The following METAP1D variants were observed in gnomAD, a reference collection of about 807,000 sequenced individuals.
METAP1D encodes methionine aminopeptidase 1D, mitochondrial.
In METAP1D, 31 loss-of-function variants were observed where a neutral mutation model predicts 40.5. The ratio of observed to expected loss-of-function variants is 0.77; its 90% CI spans 0.58 to 1.03. The LOEUF is 1.03. Among genes scored for constraint, METAP1D ranks in the 50% least tolerant of loss-of-function variants. The pLI is 0.00. For synonymous variants in METAP1D, 151 were observed against 146.4 expected, an observed-to-expected ratio of 1.03 and a Z score of -0.22; for missense variants, 411 against 420.7, an observed-to-expected ratio of 0.98 and a Z score of 0.20.
intron 1 of METAP1D, among the ~76,000 whole-genome samples, chr2:172,035,025 C>T (rs1287083786): frequency 1.3e-5 from 2 of 148,954 alleles, no homozygotes; most frequent in South Asian, 2.1e-4. Flanking sequence ...TAATTCTGGC[C>T]TCATTTCTTC....
intron 1 of METAP1D, among the ~76,000 whole-genome samples, chr2:172,054,689 T>C (rs188472564): frequency 1.3e-5 from 2 of 152,284 alleles, no homozygotes; most frequent in East Asian, 3.9e-4. Flanking sequence ...TAGATTTACA[T>C]TCCAAATACA....
At chr2:172,002,848 G>C (rs972348295) in intron 1 of METAP1D, among the ~76,000 whole-genome samples, 2 of 152,050 alleles carry the variant, frequency 1.3e-5, no homozygotes, top group African/African-American at 4.8e-5. Flanking sequence ...ATTTCTTCTT[G>C]AAATAGAGGA....
chr2:172,009,415 T>C (rs1239900580), intron 1 of METAP1D, among the ~76,000 whole-genome samples: 3 of 152,172 alleles, frequency 2.0e-5, no homozygotes, highest in African/African-American at 7.2e-5. Context: ...AAGAGGAGAC[T>C]ACCGTAACAG....
At chr2:172,065,781 C>T (rs1473355643) in intron 4 of METAP1D, 29 bp downstream of exon 4, 1 of 1,600,406 alleles carries the variant, frequency 6.2e-7, no homozygotes, top group Admixed American at 1.7e-5. Flanking sequence ...CATATTGTTC[C>T]TTTGGAAACT....
chr2:172,075,973 G>T (rs1690534236), intron 6 of METAP1D, among the ~76,000 whole-genome samples: 1 of 152,194 alleles, frequency 6.6e-6, no homozygotes, highest in Non-Finnish European at 1.5e-5. Context: ...TGTTGTAGGA[G>T]AATGCTCTTA....
chr2:172,025,560 G>T (rs116115184), intron 1 of METAP1D, among the ~76,000 whole-genome samples: 3,737 of 152,146 alleles, frequency 0.025, 64 homozygotes, highest in Non-Finnish European at 0.036. Flanking sequence ...GAACTCCTAG[G>T]TTCAAGCGTT....
chr2:172,066,702 C>T (rs1236662625), intron 5 of METAP1D, among the ~76,000 whole-genome samples: 2 of 152,210 alleles, frequency 1.3e-5, no homozygotes, highest in East Asian at 3.8e-4. Flanking sequence ...ATTTTTCCTT[C>T]ACTCTGCCAA....
chr2:172,050,455 G>C (rs547242304), intron 1 of METAP1D, among the ~76,000 whole-genome samples: 1 of 151,854 alleles, frequency 6.6e-6, no homozygotes, highest in South Asian at 2.1e-4. Context: ...AAAAACTCAT[G>C]ATGTTTTTAT....
chr2:172,005,728 G>A (rs186481682), intron 1 of METAP1D, among the ~76,000 whole-genome samples: 35 of 150,948 alleles, frequency 2.3e-4, no homozygotes, highest in African/African-American at 7.5e-4. Flanking sequence ...TTGTAGAGGC[G>A]GGATTTCACC....
intron 1 of METAP1D, among the ~76,000 whole-genome samples, chr2:172,002,349 A>G (rs1335670397): frequency 1.3e-5 from 2 of 152,182 alleles, no homozygotes; most frequent in Admixed American, 1.3e-4. Context: ...AGAATCAATG[A>G]CAAAAACTGT....
At chr2:172,028,566 G>A (rs992673291) in intron 1 of METAP1D, among the ~76,000 whole-genome samples, 2 of 146,444 alleles carry the variant, frequency 1.4e-5, no homozygotes, top group Non-Finnish European at 3.0e-5. Flanking sequence ...GTGTGTGTGT[G>A]TGTGTGTGTG....
At chr2:172,009,265 G>A (rs1688657530) in intron 1 of METAP1D, among the ~76,000 whole-genome samples, 1 of 151,734 alleles carries the variant, frequency 6.6e-6, no homozygotes, top group Non-Finnish European at 1.5e-5. Flanking sequence ...GGATGGTCTC[G>A]ATTTCCTGAC....
intron 1 of METAP1D, among the ~76,000 whole-genome samples, chr2:172,060,657 A>C (rs1194242250): frequency 6.6e-6 from 1 of 152,166 alleles, no homozygotes; most frequent in Non-Finnish European, 1.5e-5. Context: ...ATGATGATTT[A>C]GCCTATTCTT....
intron 5 of METAP1D, 49 bp from the exon 6 acceptor site, chr2:172,070,858 A>G: frequency 6.7e-7 from 1 of 1,486,668 alleles, no homozygotes; most frequent in South Asian, 1.3e-5. Flanking sequence ...ACTTTAGGAA[A>G]GTAGATTTTT....
At chr2:172,015,637 CTCCACA>C (rs1349894295) in intron 1 of METAP1D, among the ~76,000 whole-genome samples, 4 of 152,034 alleles carry the variant, frequency 2.6e-5, no homozygotes, top group Non-Finnish European at 5.9e-5. Flanking sequence ...CCAGTTTATT[CTCCACA>C]CTGCAGTCAA....
chr2:172,009,102 G>A (rs966209365), intron 1 of METAP1D, among the ~76,000 whole-genome samples: 2 of 151,450 alleles, frequency 1.3e-5, no homozygotes, highest in Admixed American at 6.6e-5. Flanking sequence ...GTGCAGTGGC[G>A]CGATCTCTGC....
chr2:172,016,811 A>C (rs569281394), intron 1 of METAP1D, among the ~76,000 whole-genome samples: 3 of 151,760 alleles, frequency 2.0e-5, no homozygotes, highest in African/African-American at 7.3e-5. Flanking sequence ...ACTCCTGTCC[A>C]CTGGCCTGCC....
chr2:172,011,285 C>CTT (rs367971854), intron 1 of METAP1D, among the ~76,000 whole-genome samples: 54 of 135,324 alleles, frequency 4.0e-4, no homozygotes, highest in East Asian at 8.6e-4. Flanking sequence ...CTTTCTGTTT[C>CTT]TTTTTTTTTT....
intron 1 of METAP1D, among the ~76,000 whole-genome samples, chr2:172,027,963 G>A (rs1233894903): frequency 1.3e-5 from 2 of 152,200 alleles, no homozygotes; most frequent in Non-Finnish European, 2.9e-5. Context: ...TCCCTCAGCT[G>A]CAAGTCTCTT....
Sources: allele counts gnomAD v4.1 joint callset (sites outside exome capture counted in the v4.1 genomes callset), GRCh38; gene constraint gnomAD v4.1.1; transcripts MANE v1.5; gene names NCBI Gene and HGNC (gene_info 2026-07-23, HGNC 2026-07-21).